Variants in PARD3B observed in about 807,000 individuals in gnomAD.
The protein encoded by PARD3B is par-3 family cell polarity regulator beta.
PARD3B carries 103 observed loss-of-function variants against 130.2 expected under a neutral mutation model. The ratio of observed to expected loss-of-function variants is 0.79; its 90% CI spans 0.67 to 0.93. The LOEUF is 0.93. PARD3B is among the 40% of genes least tolerant of loss of function. The probability of loss-of-function intolerance (pLI) is 0.00; values close to 1 mark genes in which losing one functional copy is unlikely to be tolerated. For synonymous variants in PARD3B, 583 were observed against 553.2 expected (o/e 1.05, Z -0.76); for missense variants, 1,609 against 1,499.2 (o/e 1.07, Z -1.21).
At chr2:204,721,166 A>G (rs543762338) in intron 2 of PARD3B, among the ~76,000 whole-genome samples, 168 of 152,342 alleles carry the variant, frequency 1.1e-3, no homozygotes, top group Non-Finnish European at 2.1e-3. Context: ...TATTACCAAA[A>G]AGAAGTTAGA....
At chr2:204,727,556 G>A (rs896485246) in intron 2 of PARD3B, among the ~76,000 whole-genome samples, 4 of 152,152 alleles carry the variant, frequency 2.6e-5, no homozygotes, top group African/African-American at 9.7e-5. Flanking sequence ...CTCATAAAGA[G>A]TTGTGGCCTG....
chr2:205,076,806 C>T (rs950781685), intron 4 of PARD3B, among the ~76,000 whole-genome samples: 1 of 152,124 alleles, frequency 6.6e-6, no homozygotes, highest in African/African-American at 2.4e-5. Flanking sequence ...TGAAACTGGT[C>T]CCTGGTGCCA....
chr2:205,442,895 T>G (rs2047771780), intron 20 of PARD3B, among the ~76,000 whole-genome samples: 1 of 152,230 alleles, frequency 6.6e-6, no homozygotes, highest in African/African-American at 2.4e-5. Context: ...AGTGTTACTT[T>G]TGGCTCTGAC....
At position 205,529,611 on chromosome 2, in the gene PARD3B, C is replaced by G. The variant is rs115235416; in HGVS notation, c.3181-23713C>G. On this transcript the variant is annotated intron_variant, in intron 21 of 22. Transcript: ENST00000406610. ...TGTGAGGCTATCACCAAAAAGAAAC[C>G]TATTGATTGATTATACTTCACTTTC... Among the ~76,000 whole-genome samples, 188 of 152,174 alleles carry G rather than the reference C, an allele frequency of 1.2e-3. 1 individual carries two copies. Among genetic ancestry groups the G allele is most frequent in the Admixed American group, 4.2e-3 (64 of 15,280 alleles).
At chr2:204,666,756 A>G (rs758429221) in intron 1 of PARD3B, among the ~76,000 whole-genome samples, 3 of 152,140 alleles carry the variant, frequency 2.0e-5, no homozygotes, top group Non-Finnish European at 2.9e-5. Flanking sequence ...CCATGCACTC[A>G]GTTTTGGGCA....
In PARD3B at chr2:204,777,927, C is replaced by G. The variant is rs1222111124; in HGVS notation, c.222+91645C>G. On this transcript the variant is annotated intron_variant, in intron 2 of 22. Coordinates refer to ENST00000406610, the MANE Select transcript of PARD3B (RefSeq NM_001302769.2). ...CTCATGATAGTGAGTTTCATGAGCT[C>G]TGATGGTTTTATAAGTGTTTGACAG... 3.9e-5 allele frequency among the ~76,000 whole-genome samples: 6 copies of G among 152,132 alleles called. No individual in the cohort carries two copies. The East Asian group carries it at 7.8e-4, about 20-fold the overall frequency.
At chr2:204,629,548 T>C (rs1236421220) in intron 1 of PARD3B, among the ~76,000 whole-genome samples, 1 of 151,880 alleles carries the variant, frequency 6.6e-6, no homozygotes, top group Non-Finnish European at 1.5e-5. Flanking sequence ...ACCTCCTTTC[T>C]GTATCTGCTG....
At chr2:205,222,144 C>A (rs2038274336) in intron 15 of PARD3B, among the ~76,000 whole-genome samples, 1 of 148,376 alleles carries the variant, frequency 6.7e-6, no homozygotes, top group Non-Finnish European at 1.5e-5. Flanking sequence ...ATGAAAAATA[C>A]CCAGAAAGTT....
chr2:204,823,875 G>A (rs932706547), intron 2 of PARD3B, among the ~76,000 whole-genome samples: 1 of 151,096 alleles, frequency 6.6e-6, no homozygotes, highest in African/African-American at 2.4e-5. Context: ...AGGAGGCAGA[G>A]GTTGCAGTGA....
chr2:205,257,527 A>G lies in PARD3B; in HGVS notation c.2185+11705A>G, dbSNP rs139009682. ...CTCACAGAAATACTACTGTAGGTTG[A>G]TTTAGTAGTCTGGTGGCCCATACCC... On this transcript the variant is annotated intron_variant, in intron 16 of 22. Coordinates refer to ENST00000406610, the MANE Select transcript of PARD3B (RefSeq NM_001302769.2). Among the ~76,000 whole-genome samples the G allele has an allele frequency of 3.3e-3, 507 of 152,282 alleles. 1 individual carries two copies. The highest frequency in any genetic ancestry group is 0.011 in the African/African-American group (466 of 41,556).
chr2:205,567,481 A>ATTTTTTTTTTTTTT (rs61638177), intron 22 of PARD3B, among the ~76,000 whole-genome samples: 2 of 113,518 alleles, frequency 1.8e-5, no homozygotes, highest in African/African-American at 3.4e-5. Flanking sequence ...TGCCCGGTTA[A>ATTTTTTTTTTTTTT]TTTTTTTTTT....
chr2:204,841,308 A>G (rs1160935652), intron 2 of PARD3B, among the ~76,000 whole-genome samples: 1 of 152,188 alleles, frequency 6.6e-6, no homozygotes, highest in East Asian at 1.9e-4. Context: ...GGAGCCAGAC[A>G]AAAGGTGCAT....
chr2:205,031,827 GA>G lies in PARD3B; in HGVS notation c.395-15748del, dbSNP rs559132047. The stretch of plus-strand genomic sequence containing the variant: ...TGCTTTATTCATAGGTCTTGTGGGG[GA>G]AAAAATAAAATAAGCTTTCTCGTTC... On this transcript the variant is annotated intron_variant, in intron 3 of 22. Transcript: ENST00000406610. Among the ~76,000 whole-genome samples, 660 of 152,136 alleles carry G rather than the reference GA, an allele frequency of 4.3e-3. 4 individuals carry two copies. Among genetic ancestry groups the G allele is most frequent in the Non-Finnish European group, 6.9e-3 (472 of 68,004 alleles).
Position 205,067,095 on chromosome 2 carries a change from C to CTTTTTTTTTTTTTT in PARD3B, c.504+19421_504+19434dup, listed in dbSNP as rs10672449. Among the ~76,000 whole-genome samples the CTTTTTTTTTTTTTT allele has an allele frequency of 7.6e-3, 453 of 59,642 alleles. 70 individuals are homozygous for CTTTTTTTTTTTTTT. Among genetic ancestry groups the CTTTTTTTTTTTTTT allele is most frequent in the Non-Finnish European group, 0.011 (340 of 32,082 alleles). The allele number at this position is 59,642 out of a possible 152,430, so 39.1% of individuals were successfully genotyped here. A position where few individuals can be genotyped will look rare whatever the true frequency, so the allele number is the denominator to read the frequency against. ...GCATCTTGCATCCACTTTTACTAGG[C>CTTTTTTTTTTTTTT]TTTTTTTTTTTTTTTTTTTTTTTTT... On this transcript the variant is annotated intron_variant, in intron 4 of 22. Transcript: ENST00000406610.
chr2:204,720,693 G>T (rs922201126), intron 2 of PARD3B, among the ~76,000 whole-genome samples: 1 of 152,146 alleles, frequency 6.6e-6, no homozygotes, highest in Non-Finnish European at 1.5e-5. Context: ...ACTGTCAGCA[G>T]GTGATTGGTG....
chr2:205,614,624 T>C (rs992842911), intron 22 of PARD3B, among the ~76,000 whole-genome samples: 1 of 151,808 alleles, frequency 6.6e-6, no homozygotes, highest in African/African-American at 2.4e-5. Flanking sequence ...GAGAATCGCT[T>C]GAACCCAGGA....
At chr2:204,762,413 G>A (rs73060938) in intron 2 of PARD3B, among the ~76,000 whole-genome samples, 1,781 of 152,058 alleles carry the variant, frequency 0.012, 30 homozygotes, top group African/African-American at 0.04. Flanking sequence ...CATGAGCCAC[G>A]GCGCCCAACC....
chr2:205,145,823 C>CAAAAAAAA (rs58133781), intron 10 of PARD3B, among the ~76,000 whole-genome samples: 1 of 126,748 alleles, frequency 7.9e-6, no homozygotes, highest in Non-Finnish European at 1.7e-5. Context: ...TCCAAGAAGT[C>CAAAAAAAA]AAAAAAAAAA....
chr2:204,938,936 C>A lies in PARD3B; in HGVS notation c.223-26216C>A, dbSNP rs184885492. On this transcript the variant is annotated intron_variant, in intron 2 of 22. Transcript: ENST00000406610. Reference sequence around the variant, plus strand: ...AGTAAATATGGATGCCCTTGACTATCTCAATGATTTGTGATACCCAGAAAA... The same window carrying A: ...AGTAAATATGGATGCCCTTGACTATATCAATGATTTGTGATACCCAGAAAA... Among the ~76,000 whole-genome samples the A allele has an allele frequency of 1.0e-3, 157 of 152,276 alleles. 1 individual carries two copies. Among genetic ancestry groups the A allele is most frequent in the Admixed American group, 9.6e-3 (147 of 15,288 alleles).
Sources: gnomAD v4.1 joint callset for allele counts (sites outside exome capture counted in the v4.1 genomes callset) on GRCh38, gnomAD v4.1.1 for gene constraint, MANE v1.5 for transcripts, NCBI Gene and HGNC (gene_info 2026-07-23, HGNC 2026-07-21) for gene names.